Variants in ATP10D observed in about 807,000 individuals in gnomAD.
The protein encoded by ATP10D is phospholipid-transporting ATPase VD.
A neutral mutation model predicts 144.8 loss-of-function variants in ATP10D; 89 were observed. The observed-to-expected ratio is 0.61, with a 90% CI of 0.52 to 0.73. The LOEUF is 0.73. Ranked by LOEUF, ATP10D falls within the 30% of genes least tolerant of loss-of-function variation. The probability of loss-of-function intolerance (pLI) is 0.00; values close to 1 mark genes in which losing one functional copy is unlikely to be tolerated. For missense variants in ATP10D, 1,603 were observed against 1,714.8 expected, an observed-to-expected ratio of 0.93 and a Z score of 1.15; for synonymous variants, 571 against 615.1, an observed-to-expected ratio of 0.93 and a Z score of 1.06.
Position 47,581,942 on chromosome 4 carries a change from A to C in ATP10D, c.3649-18A>C, listed in dbSNP as rs1720540280. 2 of 1,597,660 alleles carry C rather than the reference A, an allele frequency of 1.3e-6. No individual in the cohort carries two copies. The highest frequency in any genetic ancestry group is 1.7e-6 in the Non-Finnish European group (2 of 1,165,258). The stretch of plus-strand genomic sequence containing the variant: ...GTTGCACAACTCTCCAGGATCATCT[A>C]ATGTCCTCTCTTTGTAGACCTACCA... On this transcript the variant is annotated intron_variant, in intron 20 of 22. Coordinates refer to ENST00000273859, the MANE Select transcript of ATP10D (RefSeq NM_020453.4).
chr4:47,572,224 C>A lies in ATP10D; in HGVS notation c.3234C>A (p.Gly1078=). The change falls in exon 17 of 23, where the codon GGC becomes GGA. Residue 1078 remains glycine (G), a synonymous_variant. Transcript: ENST00000273859. The part of the protein sequence containing the change: ...DIGIGVSGQE[G]MQAVMASDFA... The stretch of plus-strand genomic sequence containing the variant: ...GGATAGGGGTCTCAGGTCAAGAAGG[C>A]ATGCAGGTGAGTGGATATTGTGCAC... 6.2e-7 allele frequency: 1 copy of A among 1,613,930 alleles called. No individual in the cohort carries two copies. The highest frequency in any genetic ancestry group is 8.5e-7 in the Non-Finnish European group (1 of 1,179,880).
chr4:47,584,631 C>T (rs567221058), intron 21 of ATP10D, among the ~76,000 whole-genome samples: 10 of 152,144 alleles, frequency 6.6e-5, no homozygotes, highest in South Asian at 4.1e-4. Flanking sequence ...CTCCTGGTCT[C>T]GTGATCCACC....
chr4:47,495,631 GTA>G (rs1715314300), intron 1 of ATP10D, among the ~76,000 whole-genome samples: 1 of 151,442 alleles, frequency 6.6e-6, no homozygotes, highest in Non-Finnish European at 1.5e-5. Context: ...TTTATATATT[GTA>G]TATATTCATA....
chr4:47,539,641 AC>A (rs1718031982), intron 9 of ATP10D, among the ~76,000 whole-genome samples: 1 of 152,202 alleles, frequency 6.6e-6, no homozygotes, highest in Non-Finnish European at 1.5e-5. Context: ...ATAAAATGGA[AC>A]CACATTAATA....
At chr4:47,549,705 A>G (rs1177751408) in intron 10 of ATP10D, among the ~76,000 whole-genome samples, 1 of 152,236 alleles carries the variant, frequency 6.6e-6, no homozygotes, top group Non-Finnish European at 1.5e-5. Flanking sequence ...AAAGTATAGT[A>G]AGGTCACAAA....
At chr4:47,511,617 G>T (rs561848333) in intron 1 of ATP10D, among the ~76,000 whole-genome samples, 1 of 152,286 alleles carries the variant, frequency 6.6e-6, no homozygotes, top group East Asian at 1.9e-4. Flanking sequence ...AAGGGAATAT[G>T]TTATCAGTTT....
At chr4:47,549,910 G>A (rs6832417) in intron 10 of ATP10D, among the ~76,000 whole-genome samples, 35,887 of 151,422 alleles carry the variant, frequency 0.24, 4,208 homozygotes, top group Admixed American at 0.3. Flanking sequence ...AGAACATGGT[G>A]TGCAGGAGGA....
intron 13 of ATP10D, among the ~76,000 whole-genome samples, chr4:47,560,517 C>A (rs554420650): frequency 5.3e-4 from 81 of 151,950 alleles, no homozygotes; most frequent in Admixed American, 9.2e-4. Context: ...AACAAACAAA[C>A]AAAAAAAACA....
intron 9 of ATP10D, among the ~76,000 whole-genome samples, chr4:47,539,520 T>C (rs1365974007): frequency 6.6e-6 from 1 of 152,226 alleles, no homozygotes; most frequent in Admixed American, 6.5e-5. Flanking sequence ...TTTTAAGATA[T>C]GCATTTGCAC....
chr4:47,509,623 G>A (rs1210231335), intron 1 of ATP10D, among the ~76,000 whole-genome samples: 10 of 152,120 alleles, frequency 6.6e-5, no homozygotes, highest in Admixed American at 5.9e-4. Context: ...CATAGTCATC[G>A]TAATATACAA....
Position 47,512,630 on chromosome 4 carries a change from T to G in ATP10D, c.90T>G (p.Tyr30Ter). The G allele has an allele frequency of 1.2e-6, 2 of 1,614,148 alleles. No homozygotes were observed. Among genetic ancestry groups the G allele is most frequent in the Non-Finnish European group, 1.7e-6 (2 of 1,180,016 alleles). Residue 30 changes from tyrosine (Y) to a stop codon, truncating the protein, a stop_gained, in exon 2 of 23, where the codon TAT becomes TAG. Coordinates refer to ENST00000273859, the MANE Select transcript of ATP10D (RefSeq NM_020453.4). LOFTEE classifies it high-confidence loss of function. The stretch of plus-strand genomic sequence containing the variant: ...ATGATGATTCAGGGCCATACAACTA[T>G]TCCTCGTTGCTCGCCTGTGGGCGCA... ...TRDDDSGPYN[Y>*]SSLLACGRKS... is the part of the protein sequence containing the mutation.
intron 22 of ATP10D, among the ~76,000 whole-genome samples, chr4:47,589,788 C>T (rs1410853417): frequency 6.6e-6 from 1 of 152,106 alleles, no homozygotes; most frequent in Non-Finnish European, 1.5e-5. Context: ...AAGTTCCATT[C>T]TATTCCTTAT....
In ATP10D at chr4:47,536,031, T is replaced by C. The variant is rs1717830432; in HGVS notation, c.1013T>C (p.Val338Ala). The C allele has an allele frequency of 3.7e-6, 6 of 1,603,140 alleles. No homozygotes were observed. In the East Asian group the frequency reaches 8.9e-5, roughly 24 times the overall value. The part of the protein sequence containing the change: ...LLVIMCLTGA[V>A]GHGIWLSRYE... The stretch of plus-strand genomic sequence containing the variant: ...GTCATAATGTGCTTAACTGGCGCAG[T>C]AGGTAGGTAAAATTTGATTATTTGC... The change falls in exon 7 of 23, where the codon GTA becomes GCA. Residue 338 changes from valine to alanine, a missense_variant and splice_region_variant. Physicochemically the swap from Val to Ala is moderately conservative, Grantham distance 64 (BLOSUM62 0). Transcript: ENST00000273859.
At chr4:47,493,896 G>C (rs944854515) in intron 1 of ATP10D, among the ~76,000 whole-genome samples, 2 of 152,200 alleles carry the variant, frequency 1.3e-5, no homozygotes, top group African/African-American at 2.4e-5. Flanking sequence ...CTTGGAGTAA[G>C]ATCCTCAGGT....
chr4:47,526,074 A>C (rs1395861085), intron 5 of ATP10D, among the ~76,000 whole-genome samples: 1 of 152,240 alleles, frequency 6.6e-6, no homozygotes, highest in Admixed American at 6.5e-5. Context: ...TTATCCTGAT[A>C]CTATTACCTT....
At position 47,557,891 on chromosome 4, in the gene ATP10D, G is replaced by T. The variant is rs1446301761; in HGVS notation, c.2052G>T (p.Gln684His). The change falls in exon 12 of 23, where the codon CAG becomes CAT. Residue 684 changes from glutamine to histidine, a missense_variant. By Grantham distance (24) the Gln-to-His change is conservative (BLOSUM62 0). Transcript: ENST00000273859. ...EEVSQVCESP[Q>H]CSSSSACCTE... is the part of the protein sequence containing the mutation. ...TCTCCCAGGTGTGTGAGAGCCCCCA[G>T]TGCTCCAGTAGCTCAGCTTGCTGCA... The T allele has an allele frequency of 5.6e-6, 9 of 1,614,052 alleles. No individual in the cohort carries two copies. The East Asian group carries it at 2.0e-4, about 36-fold the overall frequency.
At chr4:47,535,100 G>T (rs1371618830) in intron 5 of ATP10D, among the ~76,000 whole-genome samples, 1 of 152,036 alleles carries the variant, frequency 6.6e-6, no homozygotes, top group Non-Finnish European at 1.5e-5. Flanking sequence ...ACTTATAAGT[G>T]GGAGCTAAAC....
chr4:47,588,594 T>C (rs4519771), intron 22 of ATP10D, among the ~76,000 whole-genome samples: 2,757 of 152,322 alleles, frequency 0.018, 34 homozygotes, highest in Non-Finnish European at 0.028. Context: ...TTGCCCGCTC[T>C]GATCTGTAGC....
At chr4:47,507,190 G>A (rs1397206374) in intron 1 of ATP10D, among the ~76,000 whole-genome samples, 4 of 152,176 alleles carry the variant, frequency 2.6e-5, no homozygotes, top group African/African-American at 9.7e-5. Flanking sequence ...AAATATTATA[G>A]AGAGAACACT....
Sources: gnomAD v4.1 joint callset for allele counts (sites outside exome capture counted in the v4.1 genomes callset) on GRCh38, gnomAD v4.1.1 for gene constraint, MANE v1.5 for transcripts, NCBI Gene and HGNC (gene_info 2026-07-23, HGNC 2026-07-21) for gene names.